Variants in SRGAP1 observed in about 807,000 individuals in gnomAD.
SRGAP1 encodes the protein SLIT-ROBO Rho GTPase activating protein 1.
Under a neutral mutation model 121.9 loss-of-function variants are expected in SRGAP1, and 43 were observed. The observed-to-expected ratio is 0.35, with a 90% CI of 0.28 to 0.46. The LOEUF is 0.46. Among genes scored for constraint, SRGAP1 ranks in the 20% least tolerant of loss-of-function variants. The pLI, the probability that SRGAP1 is intolerant of heterozygous loss-of-function variation, is 1.00. For synonymous variants in SRGAP1, 447 were observed against 485.4 expected (o/e 0.92, Z 1.04); for missense variants, 1,102 against 1,350.9 (o/e 0.82, Z 2.89).
intron 1 of SRGAP1, among the ~76,000 whole-genome samples, chr12:63,923,026 G>C (rs1026818159): frequency 9.9e-5 from 15 of 152,032 alleles, no homozygotes; most frequent in African/African-American, 3.4e-4. Flanking sequence ...ATCCTTCCTG[G>C]GAACTCACTG....
chr12:64,130,313 G>A (rs1205673626), intron 21 of SRGAP1, among the ~76,000 whole-genome samples: 4 of 152,076 alleles, frequency 2.6e-5, no homozygotes, highest in Non-Finnish European at 5.9e-5. Context: ...TTAACTCAAT[G>A]GCATTGTTGC....
chr12:63,868,071 T>A (rs1160426850), intron 1 of SRGAP1, among the ~76,000 whole-genome samples: 2 of 97,670 alleles, frequency 2.0e-5, no homozygotes, highest in Non-Finnish European at 3.8e-5. Flanking sequence ...TTTTTTTTTT[T>A]TTTTTTTGTT....
chr12:64,011,984 C>T (rs554936761), intron 3 of SRGAP1, among the ~76,000 whole-genome samples: 92 of 152,212 alleles, frequency 6.0e-4, no homozygotes, highest in African/African-American at 2.1e-3. Flanking sequence ...CCTGTAGTCC[C>T]AGCTACTCAG....
chr12:63,863,126 A>G (rs1211987994), intron 1 of SRGAP1, among the ~76,000 whole-genome samples: 1 of 152,182 alleles, frequency 6.6e-6, no homozygotes, highest in Non-Finnish European at 1.5e-5. Context: ...ATGATGCGGC[A>G]CAGAAAGCTG....
At chr12:64,115,725 C>A in intron 17 of SRGAP1, 89 bp from the exon 18 acceptor site, 1 of 935,296 alleles carries the variant, frequency 1.1e-6, no homozygotes, top group Non-Finnish European at 1.6e-6. Context: ...CACACCACTG[C>A]ACTCCAGCCT....
chr12:63,858,608 T>C (rs1042683209), intron 1 of SRGAP1, among the ~76,000 whole-genome samples: 2 of 152,234 alleles, frequency 1.3e-5, no homozygotes, highest in African/African-American at 2.4e-5. Context: ...AGTTTCCTTG[T>C]ATGAATAATT....
At chr12:64,024,289 G>A (rs2034608712) in intron 4 of SRGAP1, among the ~76,000 whole-genome samples, 1 of 152,026 alleles carries the variant, frequency 6.6e-6, no homozygotes, top group Non-Finnish European at 1.5e-5. Flanking sequence ...AATTTAGCTG[G>A]GTGTGGTGGT....
At chr12:64,109,620 GCTA>G (rs146312163) in intron 16 of SRGAP1, among the ~76,000 whole-genome samples, 309 of 152,202 alleles carry the variant, frequency 2.0e-3, no homozygotes, top group African/African-American at 6.5e-3. Context: ...TTTCAGCTAT[GCTA>G]CTTCCTGCTG....
rs1305252059 is a variant in SRGAP1, at chr12:64,142,484, A to AT, written c.3072dup (p.Arg1025SerfsTer3). The AT allele has an allele frequency of 6.2e-7, 1 of 1,614,154 alleles. No individual in the cohort carries two copies. On this transcript the variant is annotated frameshift_variant, in exon 22 of 22. Transcript: ENST00000355086. ...TGCCCTCAGGAGCTCCGAGCCTCAGATTCGACGTAGCACGAGCTCCTCCAG... is the reference window on the plus strand; with the variant it reads ...TGCCCTCAGGAGCTCCGAGCCTCAGATTTCGACGTAGCACGAGCTCCTCCAG...
intron 4 of SRGAP1, among the ~76,000 whole-genome samples, chr12:64,020,859 A>AG (rs554937173): frequency 2.7e-4 from 40 of 150,696 alleles, no homozygotes; most frequent in Non-Finnish European, 5.2e-4. Context: ...AAAAAAAAAA[A>AG]AAAGAAAAGA....
Position 64,154,256 on chromosome 12 carries a change from TGG to T in SRGAP1, c.*11585_*11586del, listed in dbSNP as rs1243854688. 1 of 152,198 alleles carries T rather than the reference TGG, an allele frequency of 6.6e-6. No individual in the cohort carries two copies. Among genetic ancestry groups the T allele is most frequent in the Non-Finnish European group, 1.5e-5 (1 of 68,042 alleles). 9.4% of individuals were successfully genotyped at this position (152,198 alleles called of 1,614,324 possible). A position where few individuals can be genotyped will look rare whatever the true frequency, so the allele number is the denominator to read the frequency against. On this transcript the variant is annotated 3_prime_UTR_variant, in exon 22 of 22. Coordinates refer to ENST00000355086, the MANE Select transcript of SRGAP1 (RefSeq NM_020762.4). ...CATGCAGATAACATCATATTAAACA[TGG>T]TTAAGATAGTAAATTTTATACTATG...
In SRGAP1 at chr12:64,128,036, A is replaced by G; in HGVS notation, c.2716A>G (p.Ser906Gly). 2 of 1,614,124 alleles carry G rather than the reference A, an allele frequency of 1.2e-6. No homozygotes were observed. Among genetic ancestry groups the G allele is most frequent in the East Asian group, 2.2e-5 (1 of 44,856 alleles). The change falls in exon 21 of 22, where the codon AGT becomes GGT. Residue 906 changes from serine (S) to glycine (G), a missense_variant. Coordinates refer to ENST00000355086, the MANE Select transcript of SRGAP1 (RefSeq NM_020762.4). ...LLQNRGLNND[S>G]PERRRRPGHG... ...GCAGAACCGTGGCCTCAACAATGAC[A>G]GTCCTGAGCGGAGGCGCAGGCCTGG...
At chr12:64,124,557 T>C (rs1295938691) in intron 18 of SRGAP1, among the ~76,000 whole-genome samples, 5 of 152,242 alleles carry the variant, frequency 3.3e-5, no homozygotes, top group Non-Finnish European at 5.9e-5. Context: ...AGAAGTTTAC[T>C]CACCTTTGTT....
chr12:63,918,683 C>T (rs996992591), intron 1 of SRGAP1, among the ~76,000 whole-genome samples: 1 of 152,220 alleles, frequency 6.6e-6, no homozygotes, highest in African/African-American at 2.4e-5. Flanking sequence ...TCCTAAAGTG[C>T]TGGGATTACA....
At chr12:64,137,168 G>T (rs1385002582) in intron 21 of SRGAP1, among the ~76,000 whole-genome samples, 2 of 151,914 alleles carry the variant, frequency 1.3e-5, no homozygotes, top group African/African-American at 4.8e-5. Flanking sequence ...GGTGGCTGAG[G>T]CATGAGAATC....
At chr12:63,973,628 T>G (rs1176582746) in intron 1 of SRGAP1, among the ~76,000 whole-genome samples, 1 of 152,218 alleles carries the variant, frequency 6.6e-6, no homozygotes, top group Non-Finnish European at 1.5e-5. Flanking sequence ...TAAACTTTTC[T>G]AGTAGACATT....
intron 15 of SRGAP1, among the ~76,000 whole-genome samples, chr12:64,107,038 A>G (rs974824003): frequency 6.6e-6 from 1 of 152,142 alleles, no homozygotes; most frequent in Admixed American, 6.5e-5. Context: ...AAAAGATGAC[A>G]GAGCTACGGT....
At chr12:64,093,492 A>C (rs1168209497) in intron 12 of SRGAP1, among the ~76,000 whole-genome samples, 2 of 152,148 alleles carry the variant, frequency 1.3e-5, no homozygotes, top group Admixed American at 6.6e-5. Context: ...CAGAGATGTA[A>C]ACTAATGATC....
chr12:63,988,278 C>G (rs2033468171), intron 2 of SRGAP1, among the ~76,000 whole-genome samples: 1 of 152,102 alleles, frequency 6.6e-6, no homozygotes, highest in South Asian at 2.1e-4. Context: ...GTTACTTCAG[C>G]AAAGAAGATC....
Sources: allele counts gnomAD v4.1 joint callset (sites outside exome capture counted in the v4.1 genomes callset), GRCh38; gene constraint gnomAD v4.1.1; transcripts MANE v1.5; gene names NCBI Gene and HGNC (gene_info 2026-07-23, HGNC 2026-07-21).